PPM1H: variants seen among roughly 807,000 people sequenced by gnomAD.
The protein encoded by PPM1H is protein phosphatase, Mg2+/Mn2+ dependent 1H, also known as protein phosphatase 1H.
A neutral mutation model predicts 54.9 loss-of-function variants in PPM1H; 27 were observed. The ratio of observed to expected loss-of-function variants is 0.49; its 90% CI spans 0.36 to 0.68. The LOEUF is 0.68. Ranked by LOEUF, PPM1H falls within the 30% of genes least tolerant of loss-of-function variation. The pLI, the probability that PPM1H is intolerant of heterozygous loss-of-function variation, is 0.00. For missense variants in PPM1H, 596 were observed against 667.8 expected, an observed-to-expected ratio of 0.89 and a Z score of 1.19; for synonymous variants, 305 against 270.8, an observed-to-expected ratio of 1.13 and a Z score of -1.24.
chr12:62,711,177 A>C (rs771049328), intron 6 of PPM1H, among the ~76,000 whole-genome samples: 9 of 152,014 alleles, frequency 5.9e-5, no homozygotes, highest in Non-Finnish European at 1.2e-4. Flanking sequence ...TTTTTTATAG[A>C]AACAGGGTCT....
chr12:62,916,927 T>TA (rs368118906), intron 1 of PPM1H, among the ~76,000 whole-genome samples: 104 of 132,048 alleles, frequency 7.9e-4, no homozygotes, highest in East Asian at 3.0e-3. Flanking sequence ...ACCCTCTACT[T>TA]AAAAAAAAAA....
At chr12:62,720,126 C>T in intron 6 of PPM1H, 45 bp downstream of exon 6, 1 of 1,471,598 alleles carries the variant, frequency 6.8e-7, no homozygotes, top group Non-Finnish European at 9.5e-7. Context: ...ATGCTTCCTT[C>T]ACACACACTG....
In PPM1H at chr12:62,648,329, A is replaced by C; in HGVS notation, c.*160T>G. ...TTACTAAAGAAGAAATGGAAACCAA[A>C]GGGTCATCTTGAAGCATAGTCTTTT... On this transcript the variant is annotated 3_prime_UTR_variant, in exon 10 of 10. Transcript: ENST00000228705. 1.2e-6 allele frequency: 1 copy of C among 840,376 alleles called. No homozygotes were observed. The highest frequency in any genetic ancestry group is 1.8e-6 in the Non-Finnish European group (1 of 552,374). 52.1% of individuals were successfully genotyped at this position (840,376 alleles called of 1,614,324 possible).
At chr12:62,810,614 T>G (rs1204480711) in intron 2 of PPM1H, among the ~76,000 whole-genome samples, 1 of 152,260 alleles carries the variant, frequency 6.6e-6, no homozygotes, top group Non-Finnish European at 1.5e-5. Flanking sequence ...TTTACATTAT[T>G]TAACAGTCCA....
At chr12:62,682,481 G>A (rs897630797) in intron 8 of PPM1H, among the ~76,000 whole-genome samples, 1 of 152,156 alleles carries the variant, frequency 6.6e-6, no homozygotes, top group South Asian at 2.1e-4. Flanking sequence ...GTTTTCATGG[G>A]AGAAAATGGG....
intron 1 of PPM1H, among the ~76,000 whole-genome samples, chr12:62,904,136 G>A (rs1335100229): frequency 6.6e-6 from 1 of 151,992 alleles, no homozygotes; most frequent in African/African-American, 2.4e-5. Flanking sequence ...CATTGAAGAA[G>A]CCTTCAAAAA....
At chr12:62,715,333 G>C (rs944798838) in intron 6 of PPM1H, among the ~76,000 whole-genome samples, 5 of 152,110 alleles carry the variant, frequency 3.3e-5, no homozygotes, top group Non-Finnish European at 4.4e-5. Flanking sequence ...GAGAGCCAAG[G>C]GGGTGATAGG....
chr12:62,756,066 G>C (rs146994568), intron 4 of PPM1H: 1 of 1,195,994 alleles, frequency 8.4e-7, no homozygotes, highest in Non-Finnish European at 1.2e-6. Flanking sequence ...TGAGCACCAG[G>C]TTGTCTCCTC....
intron 9 of PPM1H, among the ~76,000 whole-genome samples, chr12:62,653,948 T>C (rs751563385): frequency 1.4e-4 from 22 of 151,894 alleles, no homozygotes; most frequent in African/African-American, 1.9e-4. Context: ...AGTCTCCCAA[T>C]AGAAAACACC....
At chr12:62,811,556 C>T (rs988158022) in intron 2 of PPM1H, among the ~76,000 whole-genome samples, 3 of 152,066 alleles carry the variant, frequency 2.0e-5, no homozygotes, top group Non-Finnish European at 2.9e-5. Flanking sequence ...GTGTCTCCAC[C>T]CAAATCTCAT....
chr12:62,932,590 T>C (rs1872174699), intron 1 of PPM1H, among the ~76,000 whole-genome samples: 2 of 148,870 alleles, frequency 1.3e-5, no homozygotes, highest in East Asian at 2.0e-4. Context: ...CCACAGGGTA[T>C]GCCTCCAAGT....
intron 5 of PPM1H, among the ~76,000 whole-genome samples, chr12:62,730,653 C>CT (rs200254759): frequency 1.8e-4 from 26 of 148,158 alleles, no homozygotes; most frequent in Middle Eastern, 3.4e-3. Flanking sequence ...CAATACAAAA[C>CT]TTTTTTTTTT....
At chr12:62,813,914 T>G (rs1292395519) in intron 2 of PPM1H, among the ~76,000 whole-genome samples, 1 of 151,198 alleles carries the variant, frequency 6.6e-6, no homozygotes, top group Non-Finnish European at 1.5e-5. Flanking sequence ...TGTTAGCTGT[T>G]GTTATTTTAA....
At chr12:62,658,763 G>A in intron 9 of PPM1H, 1 of 408,098 alleles carries the variant, frequency 2.5e-6, no homozygotes, top group Middle Eastern at 8.8e-4. Flanking sequence ...CTACAATTCA[G>A]GGCAAACTGT....
chr12:62,703,850 C>T (rs373250831), intron 6 of PPM1H, among the ~76,000 whole-genome samples: 2 of 152,154 alleles, frequency 1.3e-5, no homozygotes, highest in African/African-American at 4.8e-5. Context: ...TCTGTATTTC[C>T]AAAGGAATCA....
At chr12:62,819,991 G>T (rs1016907177) in intron 2 of PPM1H, among the ~76,000 whole-genome samples, 2 of 152,228 alleles carry the variant, frequency 1.3e-5, no homozygotes, top group African/African-American at 4.8e-5. Context: ...CCTGGGAAGC[G>T]CAAGGGGTCG....
At chr12:62,858,969 A>G (rs1442415226) in intron 1 of PPM1H, among the ~76,000 whole-genome samples, 1 of 152,222 alleles carries the variant, frequency 6.6e-6, no homozygotes, top group Non-Finnish European at 1.5e-5. Flanking sequence ...TAATTGTCAC[A>G]CATTAATTTC....
At chr12:62,882,907 C>T (rs944189297) in intron 1 of PPM1H, among the ~76,000 whole-genome samples, 1 of 152,114 alleles carries the variant, frequency 6.6e-6, no homozygotes, top group Admixed American at 6.5e-5. Flanking sequence ...TATGGCCACC[C>T]TCCACCCCCA....
chr12:62,847,609 A>T (rs1301148790), intron 1 of PPM1H, among the ~76,000 whole-genome samples: 1 of 152,240 alleles, frequency 6.6e-6, no homozygotes, highest in Non-Finnish European at 1.5e-5. Context: ...GTAAAAGACA[A>T]CAAGAAGTAG....
Sources: allele counts gnomAD v4.1 joint callset (sites outside exome capture counted in the v4.1 genomes callset), GRCh38; gene constraint gnomAD v4.1.1; transcripts MANE v1.5; gene names NCBI Gene and HGNC (gene_info 2026-07-23, HGNC 2026-07-21).